The following HSD17B4 variants were observed in gnomAD, a reference collection of about 807,000 sequenced individuals.
HSD17B4 encodes the protein peroxisomal multifunctional enzyme type 2.
A neutral mutation model predicts 101.0 loss-of-function variants in HSD17B4; 70 were observed. The observed-to-expected ratio is 0.69, with a 90% CI of 0.57 to 0.85. The LOEUF is 0.85. HSD17B4 is among the 40% of genes least tolerant of loss of function. HSD17B4 has a pLI of 0.00. For synonymous variants in HSD17B4, 347 were observed against 297.1 expected, an observed-to-expected ratio of 1.17 and a Z score of -1.73; for missense variants, 984 against 892.4, an observed-to-expected ratio of 1.10 and a Z score of -1.31.
At chr5:119,540,805 G>C in intron 23 of HSD17B4, among the ~76,000 whole-genome samples, 1 of 152,184 alleles carries the variant, frequency 6.6e-6, no homozygotes, top group Non-Finnish European at 1.5e-5. Flanking sequence ...AAGAACACCT[G>C]AGTTTAAGCC....
At chr5:119,525,713 G>GTTTTTTTTTT (rs748728829) in intron 18 of HSD17B4, 16 of 484,404 alleles carry the variant, frequency 3.3e-5, no homozygotes, top group African/African-American at 6.2e-5. Flanking sequence ...TTCCTGTTTT[G>GTTTTTTTTTT]TTTTTTTTTT....
At chr5:119,476,063 TA>T (rs1161342188) in intron 6 of HSD17B4, among the ~76,000 whole-genome samples, 193 bp downstream of exon 6, 1 of 152,212 alleles carries the variant, frequency 6.6e-6, no homozygotes, top group East Asian at 1.9e-4. Context: ...TTAATACTTT[TA>T]AAAAATGTTA....
intron 9 of HSD17B4, among the ~76,000 whole-genome samples, chr5:119,491,601 A>G (rs544078452): frequency 6.6e-6 from 1 of 152,034 alleles, no homozygotes; most frequent in African/African-American, 2.4e-5. Context: ...TAAAATGAGT[A>G]TATGTAGTTC....
At chr5:119,503,067 C>A (rs1048659535) in intron 14 of HSD17B4, among the ~76,000 whole-genome samples, 2 of 140,498 alleles carry the variant, frequency 1.4e-5, no homozygotes, top group Non-Finnish European at 3.0e-5. Flanking sequence ...TCAATCCCAA[C>A]CTTGGAAATT....
chr5:119,515,006 C>G lies in HSD17B4; in HGVS notation c.1463C>G (p.Pro488Arg). The change falls in exon 17 of 24, where the codon CCT (proline) becomes CGT (arginine). Residue 488 changes from proline (P) to arginine (R), a missense_variant. By Grantham distance (103) the Pro-to-Arg change is moderately radical. Coordinates refer to ENST00000510025, the MANE Select transcript of HSD17B4 (RefSeq NM_000414.4). ...GTAGCTGTAGCCATACCTAATAGAC[C>G]TCCTGATGCTGTACTTACAGATACC... is the stretch of plus-strand genomic sequence containing the variant. ...VKVAVAIPNR[P>R]PDAVLTDTTS... 1 of 1,583,010 alleles carries G rather than the reference C, an allele frequency of 6.3e-7. No individual in the cohort carries two copies. Among genetic ancestry groups the G allele is most frequent in the Non-Finnish European group, 8.7e-7 (1 of 1,152,070 alleles).
chr5:119,531,118 A>G (rs1349930376), intron 21 of HSD17B4, 148 bp from the exon 22 acceptor site: 4 of 722,038 alleles, frequency 5.5e-6, no homozygotes, highest in Non-Finnish European at 9.6e-6. Flanking sequence ...GTATACAAAT[A>G]AGAAAGTATG....
At chr5:119,510,569 T>C (rs1005661009) in intron 16 of HSD17B4, among the ~76,000 whole-genome samples, 14 of 152,236 alleles carry the variant, frequency 9.2e-5, no homozygotes, top group African/African-American at 3.4e-4. Flanking sequence ...TGGACTTTCT[T>C]GTCAGTGAAA....
chr5:119,513,833 A>G (rs960386465), intron 16 of HSD17B4, among the ~76,000 whole-genome samples: 1 of 152,224 alleles, frequency 6.6e-6, no homozygotes, highest in Admixed American at 6.5e-5. Flanking sequence ...CAGTAAAACT[A>G]CCATCGCGGC....
rs1329746162 is a variant in HSD17B4 at position 119,533,294 on chromosome 5, T to TG, written c.1993+1890_1993+1891insG. ...AATATGCATTGACAGGATGCCTTTT[T>TG]TTTTTTTTAAATCCATAGGGATAAT... On this transcript the variant is annotated intron_variant, in intron 22 of 23. Coordinates refer to ENST00000510025, the MANE Select transcript of HSD17B4 (RefSeq NM_000414.4). Among the ~76,000 whole-genome samples, 5 of 151,594 alleles carry TG rather than the reference T, an allele frequency of 3.3e-5. 1 individual carries two copies. The highest frequency in any genetic ancestry group is 3.3e-4 in the Admixed American group (5 of 15,208).
At chr5:119,494,456 G>A (rs1420285233) in intron 11 of HSD17B4, among the ~76,000 whole-genome samples, 2 of 148,928 alleles carry the variant, frequency 1.3e-5, no homozygotes, top group Admixed American at 6.7e-5. Flanking sequence ...GCATAAATGT[G>A]GCTTTGTTTT....
intron 22 of HSD17B4, 153 bp from the exon 23 acceptor site, chr5:119,536,270 C>A (rs932706048): frequency 2.8e-6 from 2 of 709,384 alleles, no homozygotes; most frequent in Admixed American, 2.7e-5. Context: ...TTCTAAATGA[C>A]AGATAATGTA....
rs1561486912 is a variant in HSD17B4, at chr5:119,527,164, A to G, written c.1712A>G (p.Gln571Arg). The G allele has an allele frequency of 1.2e-6, 2 of 1,609,058 alleles. No individual in the cohort carries two copies. The highest frequency in any genetic ancestry group is 1.3e-5 in the African/African-American group (1 of 74,770). The change falls in exon 20 of 24, where the codon CAA becomes CGA. Residue 571 changes from glutamine (Q) to arginine (R), a missense_variant. By Grantham distance (43) the Gln-to-Arg change is conservative. Transcript: ENST00000510025. Reference sequence around the variant, plus strand: ...TTTGCAAAACCAGTATATCCAGGACAAACTCTACAAACTGAGATGTGGAAG... The same window carrying G: ...TTTGCAAAACCAGTATATCCAGGACGAACTCTACAAACTGAGATGTGGAAG... ...ARFAKPVYPG[Q>R]TLQTEMWKEG... is the part of the protein sequence containing the mutation.
At chr5:119,491,572 C>T (rs1274037755) in intron 9 of HSD17B4, among the ~76,000 whole-genome samples, 3 of 150,460 alleles carry the variant, frequency 2.0e-5, no homozygotes, top group Non-Finnish European at 4.4e-5. Context: ...TGTCTTATCT[C>T]TGCATAAAGA....
intron 8 of HSD17B4, among the ~76,000 whole-genome samples, chr5:119,482,697 CTT>C (rs979325619): frequency 2.0e-5 from 3 of 151,804 alleles, no homozygotes; most frequent in African/African-American, 7.3e-5. Context: ...ACTCTGTTGT[CTT>C]TGAGTTTCCT....
intron 2 of HSD17B4, among the ~76,000 whole-genome samples, chr5:119,458,524 T>TA (rs1754901989): frequency 6.6e-6 from 1 of 151,226 alleles, no homozygotes; most frequent in Non-Finnish European, 1.5e-5. Context: ...TTTTTTTTTT[T>TA]TTTAAGTAAA....
intron 9 of HSD17B4, among the ~76,000 whole-genome samples, chr5:119,490,221 G>A (rs1244793127): frequency 6.6e-6 from 1 of 152,096 alleles, no homozygotes; most frequent in African/African-American, 2.4e-5. Context: ...CCTAATCACA[G>A]CCATTGGGTG....
Position 119,513,185 on chromosome 5 carries a change from G to T in HSD17B4, c.1438-1796G>T, listed in dbSNP as rs182509405. On this transcript the variant is annotated intron_variant, in intron 16 of 23. Transcript: ENST00000510025. ...ATTATGAGTTATTAAGAACCCTAAG[G>T]CAAGTTGTGCAATGCAGAAACATGC... Among the ~76,000 whole-genome samples the T allele has an allele frequency of 9.1e-4, 138 of 152,252 alleles. 1 individual carries two copies. Among genetic ancestry groups the T allele is most frequent in the Middle Eastern group, 3.4e-3 (1 of 294 alleles).
intron 14 of HSD17B4, among the ~76,000 whole-genome samples, chr5:119,502,818 G>T (rs951600690): frequency 1.5e-4 from 23 of 151,926 alleles, no homozygotes; most frequent in Non-Finnish European, 2.9e-4. Context: ...GATTTTTATT[G>T]CTTGAAGCTG....
Position 119,456,314 on chromosome 5 carries a change from G to A in HSD17B4, c.59-1G>A. The A allele has an allele frequency of 6.2e-7, 1 of 1,607,810 alleles. No homozygotes were observed. On this transcript the variant is annotated splice_acceptor_variant, in intron 1 of 23. Coordinates refer to ENST00000510025, the MANE Select transcript of HSD17B4 (RefSeq NM_000414.4). LOFTEE classifies it high-confidence loss of function. The stretch of plus-strand genomic sequence containing the variant: ...TTTCTGATTATTTTGTTTTTGATTA[G>A]GATTGGGCCGAGCCTATGCCCTGGC...
Sources: allele counts gnomAD v4.1 joint callset (sites outside exome capture counted in the v4.1 genomes callset), GRCh38; gene constraint gnomAD v4.1.1; transcripts MANE v1.5; gene names NCBI Gene and HGNC (gene_info 2026-07-23, HGNC 2026-07-21).